Variants in MAST4 observed in about 807,000 individuals in gnomAD.
MAST4 encodes the protein microtubule-associated serine/threonine-protein kinase 4.
In MAST4, 89 loss-of-function variants were observed where a neutral mutation model predicts 162.7. That is an observed-to-expected ratio of 0.55 (90% confidence interval 0.46 to 0.65). The LOEUF is 0.65. Ranked by LOEUF, MAST4 falls within the 30% of genes least tolerant of loss-of-function variation. The pLI is 0.00. For synonymous variants in MAST4, 1,479 were observed against 1,361.1 expected, an observed-to-expected ratio of 1.09 and a Z score of -1.91; for missense variants, 3,153 against 3,374.0, an observed-to-expected ratio of 0.93 and a Z score of 1.62.
intron 4 of MAST4, among the ~76,000 whole-genome samples, chr5:67,007,364 T>C (rs973380437): frequency 6.6e-6 from 1 of 152,212 alleles, no homozygotes; most frequent in African/African-American, 2.4e-5. Context: ...TCGATAAGGG[T>C]GTCCCCAGTG....
At chr5:66,827,755 C>T (rs1487679783) in intron 3 of MAST4, among the ~76,000 whole-genome samples, 3 of 152,158 alleles carry the variant, frequency 2.0e-5, no homozygotes, top group Non-Finnish European at 4.4e-5. Context: ...TGAAAGAGGT[C>T]GTTCTTAGAC....
intron 4 of MAST4, among the ~76,000 whole-genome samples, chr5:66,916,132 T>C (rs957353474): frequency 1.3e-5 from 2 of 152,210 alleles, no homozygotes; most frequent in African/African-American, 4.8e-5. Context: ...GTATATTGGG[T>C]TAAATGTTAT....
chr5:66,916,839 C>T, intron 4 of MAST4: 2 of 576,274 alleles, frequency 3.5e-6, no homozygotes, highest in Non-Finnish European at 6.3e-6. Flanking sequence ...ATAGATATAC[C>T]ACATTTTATT....
chr5:66,869,801 G>A (rs1332023851), intron 3 of MAST4, among the ~76,000 whole-genome samples: 2 of 152,092 alleles, frequency 1.3e-5, no homozygotes, highest in South Asian at 2.1e-4. Context: ...GGGTCATTTC[G>A]CTGCTGGTGT....
intron 21 of MAST4, among the ~76,000 whole-genome samples, 185 bp from the exon 22 acceptor site, chr5:67,144,484 A>ACTCACT (rs1561160350): frequency 2.9e-5 from 4 of 135,790 alleles, no homozygotes; most frequent in African/African-American, 1.1e-4. Context: ...ACACACACAC[A>ACTCACT]CACTCACTCA....
intron 15 of MAST4, 59 bp from the exon 16 acceptor site, chr5:67,131,754 C>G: frequency 6.4e-7 from 1 of 1,572,420 alleles, no homozygotes; most frequent in East Asian, 2.3e-5. Flanking sequence ...GCAGTCTAAA[C>G]TGATTTTCTA....
At chr5:66,715,964 T>A (rs535862509) in intron 1 of MAST4, among the ~76,000 whole-genome samples, 2 of 152,254 alleles carry the variant, frequency 1.3e-5, no homozygotes, top group South Asian at 4.1e-4. Flanking sequence ...TAGATTAAAT[T>A]TTTAACATTT....
chr5:66,695,418 C>G (rs186877005), intron 1 of MAST4, among the ~76,000 whole-genome samples: 1 of 152,080 alleles, frequency 6.6e-6, no homozygotes, highest in Non-Finnish European at 1.5e-5. Context: ...GTTACTGTTG[C>G]CTTGTAGTAT....
At chr5:66,597,163 A>G (rs1742237324) in intron 1 of MAST4, 145 bp downstream of exon 1, 1 of 1,120,038 alleles carries the variant, frequency 8.9e-7, no homozygotes, top group Non-Finnish European at 1.1e-6. Flanking sequence ...AGCACGGGAC[A>G]ACGATAGTTA....
At chr5:67,053,776 A>T (rs1728501758) in intron 4 of MAST4, among the ~76,000 whole-genome samples, 1 of 152,224 alleles carries the variant, frequency 6.6e-6, no homozygotes, top group South Asian at 2.1e-4. Context: ...GGATAAAACC[A>T]GTAGCTAGCA....
chr5:66,810,198 G>GTT (rs1756409005), intron 3 of MAST4, among the ~76,000 whole-genome samples: 1 of 152,170 alleles, frequency 6.6e-6, no homozygotes, highest in Admixed American at 6.5e-5. Flanking sequence ...TTCTCCTGGT[G>GTT]TTTAGTCAGG....
chr5:66,915,266 CAAAAAAAAA>C (rs70987147), intron 4 of MAST4, among the ~76,000 whole-genome samples: 1 of 83,624 alleles, frequency 1.2e-5, no homozygotes, highest in African/African-American at 4.3e-5. Context: ...ACTCTTGTCT[CAAAAAAAAA>C]AAAAAAAAAA....
intron 4 of MAST4, among the ~76,000 whole-genome samples, chr5:66,955,293 G>A (rs1411757960): frequency 1.3e-5 from 2 of 152,028 alleles, no homozygotes; most frequent in African/African-American, 2.4e-5. Context: ...AGGAAGTTCA[G>A]GAGCAGGATG....
intron 12 of MAST4, among the ~76,000 whole-genome samples, chr5:67,115,400 C>T (rs1360284645): frequency 1.3e-5 from 2 of 152,232 alleles, no homozygotes; most frequent in Admixed American, 6.5e-5. Flanking sequence ...GAACCTGCTG[C>T]TCTCTGCCCT....
chr5:66,800,881 A>T (rs533743799), intron 3 of MAST4, among the ~76,000 whole-genome samples: 4 of 152,308 alleles, frequency 2.6e-5, no homozygotes, highest in East Asian at 3.9e-4. Flanking sequence ...CAAAAATGTG[A>T]CTTGAACAGA....
At chr5:66,928,532 G>A (rs758806962) in intron 4 of MAST4, among the ~76,000 whole-genome samples, 1 of 152,270 alleles carries the variant, frequency 6.6e-6, no homozygotes, top group East Asian at 1.9e-4. Context: ...AATCCAAACA[G>A]TTCCACTTTC....
intron 4 of MAST4, among the ~76,000 whole-genome samples, chr5:66,944,500 GACA>G (rs1743750889): frequency 1.3e-5 from 2 of 152,074 alleles, no homozygotes; most frequent in Admixed American, 1.3e-4. Context: ...CTTTGCAAGA[GACA>G]ACATTTATAA....
At chr5:66,991,311 C>T (rs754859712) in intron 4 of MAST4, among the ~76,000 whole-genome samples, 20 of 152,150 alleles carry the variant, frequency 1.3e-4, no homozygotes, top group African/African-American at 3.1e-4. Context: ...CCTTTCTCCT[C>T]GAAAATTGCC....
intron 2 of MAST4, among the ~76,000 whole-genome samples, chr5:66,766,718 T>C (rs1368722386): frequency 1.3e-5 from 2 of 152,190 alleles, no homozygotes; most frequent in Non-Finnish European, 1.5e-5. Flanking sequence ...GTTTTATGGG[T>C]AGCTTTGGTA....
Sources: allele counts gnomAD v4.1 joint callset (sites outside exome capture counted in the v4.1 genomes callset), GRCh38; gene constraint gnomAD v4.1.1; transcripts MANE v1.5; gene names NCBI Gene and HGNC (gene_info 2026-07-23, HGNC 2026-07-21).